The following STAU2 variants were observed in gnomAD, a reference collection of about 807,000 sequenced individuals.
STAU2 encodes the protein double-stranded RNA-binding protein Staufen homolog 2.
A neutral mutation model predicts 65.9 loss-of-function variants in STAU2; 20 were observed. The observed-to-expected ratio is 0.30, with a 90% CI of 0.21 to 0.44. The LOEUF is 0.44. STAU2 is among the 20% of genes least tolerant of loss of function. STAU2 has a pLI of 1.00. For synonymous variants in STAU2, 232 were observed against 233.9 expected, an observed-to-expected ratio of 0.99 and a Z score of 0.07; for missense variants, 558 against 683.9, an observed-to-expected ratio of 0.82 and a Z score of 2.05.
intron 6 of STAU2, among the ~76,000 whole-genome samples, chr8:73,645,908 T>C (rs1815337166): frequency 6.6e-6 from 1 of 152,100 alleles, no homozygotes; most frequent in South Asian, 2.1e-4. Flanking sequence ...TGCTAAACCA[T>C]TCATGAGAAA....
chr8:73,571,423 C>T (rs144674325), intron 12 of STAU2, among the ~76,000 whole-genome samples: 9,724 of 152,246 alleles, frequency 0.064, 795 homozygotes, highest in African/African-American at 0.19. Flanking sequence ...GAACTCTCCA[C>T]CCCAAATCAA....
At chr8:73,435,555 C>T (rs1034953002) in intron 13 of STAU2, among the ~76,000 whole-genome samples, 1 of 151,852 alleles carries the variant, frequency 6.6e-6, no homozygotes, top group Non-Finnish European at 1.5e-5. Flanking sequence ...CTCAACCCCA[C>T]CCTTGGGCTC....
chr8:73,475,745 G>T (rs926047101), intron 13 of STAU2, among the ~76,000 whole-genome samples: 3 of 152,112 alleles, frequency 2.0e-5, no homozygotes, highest in Non-Finnish European at 2.9e-5. Context: ...TGTGGGTCAG[G>T]AATCTGATAC....
In STAU2 at chr8:73,421,147, A is replaced by C. The variant is rs1933989687; in HGVS notation, c.*225T>G. ...TCAGATTTCTGCTGCCTCTAGGCAA[A>C]TGAGTTATGATCTGATCTCGAGTTC... On this transcript the variant is annotated 3_prime_UTR_variant, in exon 15 of 15. Coordinates refer to ENST00000524300, the MANE Select transcript of STAU2 (RefSeq NM_001164380.2). 4 of 436,844 alleles carry C rather than the reference A, an allele frequency of 9.2e-6. No homozygotes were observed. The highest frequency in any genetic ancestry group is 1.6e-5 in the Non-Finnish European group (4 of 248,592). 27.1% of individuals were successfully genotyped at this position (436,844 alleles called of 1,614,324 possible).
intron 13 of STAU2, among the ~76,000 whole-genome samples, chr8:73,501,627 A>G (rs76265061): frequency 1.1e-4 from 16 of 152,050 alleles, no homozygotes; most frequent in African/African-American, 3.9e-4. Flanking sequence ...TATGATGTTA[A>G]TATGTTTTCC....
intron 3 of STAU2, among the ~76,000 whole-genome samples, chr8:73,729,445 TCTCTC>T (rs1460990315): frequency 1.3e-5 from 2 of 152,224 alleles, no homozygotes; most frequent in Non-Finnish European, 2.9e-5. Context: ...GTATTCTTAC[TCTCTC>T]CTCTCCAATT....
chr8:73,729,261 T>C (rs1175426112), intron 3 of STAU2, among the ~76,000 whole-genome samples: 1 of 152,232 alleles, frequency 6.6e-6, no homozygotes. Context: ...TAAGTCCCAC[T>C]TGGCCATGGT....
chr8:73,589,308 C>G (rs1810602523), intron 11 of STAU2, among the ~76,000 whole-genome samples: 1 of 152,094 alleles, frequency 6.6e-6, no homozygotes, highest in Admixed American at 6.5e-5. Context: ...TTGCAAGGTC[C>G]AACACTCATT....
chr8:73,576,588 GTAATGT>G (rs1273160733), intron 12 of STAU2, among the ~76,000 whole-genome samples: 4 of 152,086 alleles, frequency 2.6e-5, no homozygotes, highest in African/African-American at 9.7e-5. Flanking sequence ...AAATATATTG[GTAATGT>G]CTAGTTCTTA....
intron 13 of STAU2, 34 bp downstream of exon 13, chr8:73,551,978 T>G: frequency 1.3e-6 from 2 of 1,520,860 alleles, no homozygotes; most frequent in Non-Finnish European, 1.8e-6. Flanking sequence ...GCTAATGAAT[T>G]GTTTTGTTTT....
intron 13 of STAU2, among the ~76,000 whole-genome samples, chr8:73,514,246 C>A (rs1202430237): frequency 1.3e-5 from 2 of 152,078 alleles, no homozygotes; most frequent in Non-Finnish European, 2.9e-5. Flanking sequence ...AGAGTCACAC[C>A]CATCAAGGTG....
chr8:73,582,218 T>G (rs1265367202), intron 12 of STAU2, among the ~76,000 whole-genome samples: 2 of 152,154 alleles, frequency 1.3e-5, no homozygotes, highest in Non-Finnish European at 2.9e-5. Flanking sequence ...TTCTTACACT[T>G]CTGACATTTC....
At chr8:73,733,084 G>C (rs189954892) in intron 3 of STAU2, among the ~76,000 whole-genome samples, 1 of 150,398 alleles carries the variant, frequency 6.6e-6, no homozygotes, top group African/African-American at 2.5e-5. Context: ...TGCCCTACAC[G>C]GTTCTGCTAC....
At chr8:73,685,461 C>T (rs1424447126) in intron 5 of STAU2, among the ~76,000 whole-genome samples, 1 of 151,354 alleles carries the variant, frequency 6.6e-6, no homozygotes, top group Non-Finnish European at 1.5e-5. Flanking sequence ...ACTGCAACCT[C>T]CGCCTCCCGG....
intron 12 of STAU2, among the ~76,000 whole-genome samples, chr8:73,564,220 C>T (rs910561062): frequency 6.6e-6 from 1 of 152,122 alleles, no homozygotes; most frequent in Non-Finnish European, 1.5e-5. Flanking sequence ...ACAGAGCCAG[C>T]ATATTTTGGA....
At chr8:73,700,996 A>G (rs1427987380) in intron 4 of STAU2, among the ~76,000 whole-genome samples, 2 of 152,194 alleles carry the variant, frequency 1.3e-5, no homozygotes, top group Non-Finnish European at 2.9e-5. Context: ...ATTTTTGACA[A>G]TAGTGTCAAG....
At chr8:73,467,251 G>A (rs371553688) in intron 13 of STAU2, among the ~76,000 whole-genome samples, 1 of 151,960 alleles carries the variant, frequency 6.6e-6, no homozygotes. Flanking sequence ...AGTTCTTCTC[G>A]GCCGGGCGCA....
intron 13 of STAU2, among the ~76,000 whole-genome samples, chr8:73,501,862 A>G (rs1289202889): frequency 6.6e-6 from 1 of 151,976 alleles, no homozygotes; most frequent in African/African-American, 2.4e-5. Context: ...TCAATTATCT[A>G]TTGCTTCTTC....
intron 4 of STAU2, among the ~76,000 whole-genome samples, chr8:73,702,237 T>C (rs542445310): frequency 7.2e-5 from 11 of 152,238 alleles, no homozygotes; most frequent in Admixed American, 7.2e-4. Flanking sequence ...TAAAAGAGTA[T>C]AAGTAGATTG....
Sources: allele counts gnomAD v4.1 joint callset (sites outside exome capture counted in the v4.1 genomes callset), GRCh38; gene constraint gnomAD v4.1.1; transcripts MANE v1.5; gene names NCBI Gene and HGNC (gene_info 2026-07-23, HGNC 2026-07-21).